Variants in DNAH14 observed in about 807,000 individuals in gnomAD.
DNAH14 encodes the protein dynein axonemal heavy chain 14, also known as axonemal beta dynein heavy chain 14.
DNAH14 carries 478 observed loss-of-function variants against 520.9 expected under a neutral mutation model. The ratio of observed to expected loss-of-function variants is 0.92; its 90% CI spans 0.85 to 0.99. The LOEUF (loss-of-function observed/expected upper bound fraction) is 0.99. DNAH14 is among the 50% of genes least tolerant of loss of function. The pLI, the probability that DNAH14 is intolerant of heterozygous loss-of-function variation, is 0.00. For missense variants in DNAH14, 4,831 were observed against 5,234.5 expected (o/e 0.92, Z 2.38); for synonymous variants, 1,581 against 1,757.2 (o/e 0.90, Z 2.51).
Position 225,080,743 on chromosome 1 carries a change from A to G in DNAH14, c.3131A>G (p.Glu1044Gly). ...SKLMHIISVL[E>G]KGLPKSDMVT... ...CTGATGCACATAATCTCGGTACTAG[A>G]AAAAGGTAAAAATGTGTTTCTCAAA... is the stretch of plus-strand genomic sequence containing the variant. Residue 1044 changes from glutamate to glycine, a missense_variant, in exon 19 of 86, where the codon GAA becomes GGA. Transcript: ENST00000682510. 6.6e-7 allele frequency: 1 copy of G among 1,504,970 alleles called. No individual in the cohort carries two copies. Among genetic ancestry groups the G allele is most frequent in the Non-Finnish European group, 8.9e-7 (1 of 1,126,116 alleles). 93.2% of individuals were successfully genotyped at this position (1,504,970 alleles called of 1,614,324 possible).
At chr1:225,273,597 G>A (rs1006803061) in intron 52 of DNAH14, among the ~76,000 whole-genome samples, 1 of 152,150 alleles carries the variant, frequency 6.6e-6, no homozygotes, top group South Asian at 2.1e-4. Context: ...ATGCTGGAGA[G>A]GATAAAATCA....
chr1:225,276,121 A>T (rs1332928603), intron 53 of DNAH14, 40 bp downstream of exon 53: 1 of 191,716 alleles, frequency 5.2e-6, no homozygotes, highest in African/African-American at 2.4e-5. Context: ...GGAGTGCTAT[A>T]TATGTATATA....
intron 42 of DNAH14, among the ~76,000 whole-genome samples, chr1:225,235,179 G>A (rs894915691): frequency 6.6e-6 from 1 of 152,062 alleles, no homozygotes; most frequent in African/African-American, 2.4e-5. Context: ...TTGGCTGTGG[G>A]TTTGTTATAT....
chr1:225,368,993 A>G (rs568003897), intron 77 of DNAH14, among the ~76,000 whole-genome samples: 2 of 152,328 alleles, frequency 1.3e-5, no homozygotes, highest in South Asian at 4.1e-4. Flanking sequence ...GGCAGATAAT[A>G]TATTAGGGGG....
intron 27 of DNAH14, among the ~76,000 whole-genome samples, chr1:225,133,069 G>GT (rs1471418559): frequency 2.0e-4 from 30 of 151,600 alleles, no homozygotes; most frequent in East Asian, 1.9e-4. Context: ...TTTTAATGGA[G>GT]TTTTTTTTCT....
chr1:225,264,891 G>A (rs2093059347), intron 47 of DNAH14, among the ~76,000 whole-genome samples: 1 of 152,190 alleles, frequency 6.6e-6, no homozygotes, highest in Admixed American at 6.6e-5. Flanking sequence ...AATGCCATTA[G>A]TGCAGACAGC....
At chr1:225,139,312 G>A (rs2079223480) in intron 27 of DNAH14, among the ~76,000 whole-genome samples, 1 of 152,124 alleles carries the variant, frequency 6.6e-6, no homozygotes, top group African/African-American at 2.4e-5. Flanking sequence ...CTGGATCCCT[G>A]GTCTTCCAAA....
intron 44 of DNAH14, among the ~76,000 whole-genome samples, chr1:225,254,365 C>T (rs369813181): frequency 1.3e-4 from 20 of 152,082 alleles, no homozygotes; most frequent in East Asian, 5.8e-4. Flanking sequence ...CCTGAAATAC[C>T]TGACATTGAC....
At chr1:225,325,524 A>G (rs1388990254) in intron 64 of DNAH14, among the ~76,000 whole-genome samples, 1 of 151,912 alleles carries the variant, frequency 6.6e-6, no homozygotes, top group Non-Finnish European at 1.5e-5. Flanking sequence ...TAACCTGTTT[A>G]TATCATTACC....
intron 9 of DNAH14, among the ~76,000 whole-genome samples, chr1:225,006,305 A>T (rs1200035626): frequency 6.6e-6 from 1 of 152,198 alleles, no homozygotes; most frequent in Non-Finnish European, 1.5e-5. Flanking sequence ...AACAAGATGA[A>T]ATCTGGGCAC....
At chr1:225,137,033 T>C (rs910454149) in intron 27 of DNAH14, among the ~76,000 whole-genome samples, 1 of 152,218 alleles carries the variant, frequency 6.6e-6, no homozygotes, top group Non-Finnish European at 1.5e-5. Flanking sequence ...TTGGCTGTTC[T>C]GGCTATCAGC....
chr1:225,246,651 G>A (rs902349305), intron 43 of DNAH14, among the ~76,000 whole-genome samples: 2 of 152,200 alleles, frequency 1.3e-5, no homozygotes, highest in Admixed American at 6.5e-5. Context: ...CTGGTCATTA[G>A]AGGAATACAA....
At chr1:225,290,647 G>GTGTA (rs1419920384) in intron 55 of DNAH14, among the ~76,000 whole-genome samples, 2 of 57,578 alleles carry the variant, frequency 3.5e-5, no homozygotes, top group Non-Finnish European at 6.3e-5. Flanking sequence ...GTGTGTGTGT[G>GTGTA]TATATATATA....
intron 65 of DNAH14, 37 bp from the exon 66 acceptor site, chr1:225,333,254 T>C: frequency 6.9e-7 from 1 of 1,458,266 alleles, no homozygotes; most frequent in East Asian, 2.5e-5. Flanking sequence ...GATAATATAT[T>C]TTATATAGAA....
chr1:225,157,199 G>A (rs1413583311), intron 34 of DNAH14, among the ~76,000 whole-genome samples: 1 of 151,998 alleles, frequency 6.6e-6, no homozygotes, highest in Admixed American at 6.6e-5. Context: ...TTATCCAACA[G>A]CTGAAGTCCT....
At chr1:225,145,163 CT>C (rs1287830733) in intron 29 of DNAH14, among the ~76,000 whole-genome samples, 162 bp from the exon 30 acceptor site, 4 of 152,094 alleles carry the variant, frequency 2.6e-5, no homozygotes, top group Admixed American at 1.3e-4. Context: ...TACATTTATA[CT>C]ATTATATTGA....
In DNAH14 at chr1:225,252,404, A is replaced by T; in HGVS notation, c.6852A>T (p.Thr2284=). 2.7e-6 allele frequency: 4 copies of T among 1,505,086 alleles called. No homozygotes were observed. The highest frequency in any genetic ancestry group is 3.6e-6 in the Non-Finnish European group (4 of 1,105,874). 93.2% of individuals were successfully genotyped at this position (1,505,086 alleles called of 1,614,324 possible). A position where few individuals can be genotyped will look rare whatever the true frequency, so the allele number is the denominator to read the frequency against. Residue 2284 remains threonine (T), a synonymous_variant, in exon 44 of 86, where the codon ACA becomes ACT. Transcript: ENST00000682510. ...CAGATTTAGTTCCTAATGATCAGAC[A>T]CTAATTCAAAGAGGTAAGAATAATT... ...PWSDLVPNDQ[T]LIQRGTSLLT... is the part of the protein sequence containing the mutation.
At chr1:225,070,672 G>C (rs1225466437) in intron 17 of DNAH14, among the ~76,000 whole-genome samples, 4 of 152,134 alleles carry the variant, frequency 2.6e-5, no homozygotes, top group Admixed American at 1.3e-4. Context: ...ATGAAAAGAA[G>C]TATATTCTAT....
chr1:225,328,434 C>T (rs930097822), intron 64 of DNAH14, among the ~76,000 whole-genome samples: 1 of 152,142 alleles, frequency 6.6e-6, no homozygotes, highest in African/African-American at 2.4e-5. Context: ...TATTTGAACT[C>T]ATTAAAATCC....
Sources: gnomAD v4.1 joint callset for allele counts (sites outside exome capture counted in the v4.1 genomes callset) on GRCh38, gnomAD v4.1.1 for gene constraint, MANE v1.5 for transcripts, NCBI Gene and HGNC (gene_info 2026-07-23, HGNC 2026-07-21) for gene names.